The following NCKAP5 variants were observed in gnomAD, a reference collection of about 807,000 sequenced individuals.
NCKAP5 encodes the protein nck-associated protein 5.
NCKAP5 carries 92 observed loss-of-function variants against 167.0 expected under a neutral mutation model. The ratio of observed to expected loss-of-function variants is 0.55; its 90% confidence interval spans 0.47 to 0.66. The LOEUF is 0.66. NCKAP5 is among the 30% of genes least tolerant of loss of function. The pLI is 0.00. For missense variants in NCKAP5, 2,378 were observed against 2,315.0 expected, an observed-to-expected ratio of 1.03 and a Z score of -0.56; for synonymous variants, 891 against 877.4, an observed-to-expected ratio of 1.02 and a Z score of -0.27.
At chr2:132,933,049 C>T (rs1017816629) in intron 8 of NCKAP5, among the ~76,000 whole-genome samples, 3 of 151,816 alleles carry the variant, frequency 2.0e-5, no homozygotes, top group Admixed American at 1.3e-4. Flanking sequence ...CTCAGCCTCC[C>T]GAGCAGCTGG....
chr2:133,350,290 G>A (rs941967351), intron 3 of NCKAP5, among the ~76,000 whole-genome samples: 1 of 152,268 alleles, frequency 6.6e-6, no homozygotes, highest in East Asian at 1.9e-4. Context: ...ACACACAACT[G>A]TAATCCTAGT....
At chr2:132,963,931 G>A in intron 7 of NCKAP5, 62 bp from the exon 8 acceptor site, 1 of 1,570,878 alleles carries the variant, frequency 6.4e-7, no homozygotes, top group South Asian at 1.1e-5. Flanking sequence ...ATGAGTGTGA[G>A]GCTGAAAAGG....
At chr2:132,933,464 C>A (rs1696598298) in intron 8 of NCKAP5, among the ~76,000 whole-genome samples, 1 of 152,144 alleles carries the variant, frequency 6.6e-6, no homozygotes, top group African/African-American at 2.4e-5. Flanking sequence ...TCTAGAGATC[C>A]AAATTTCAGG....
In NCKAP5 at chr2:132,794,648, TACACACAC is replaced by T. The variant is rs4057986; in HGVS notation, c.909+1972_909+1979del. Among the ~76,000 whole-genome samples, 250 of 142,582 alleles carry T rather than the reference TACACACAC, an allele frequency of 1.8e-3. 2 individuals are homozygous for T. The highest frequency in any genetic ancestry group is 0.011 in the East Asian group (51 of 4,572). 93.5% of individuals were successfully genotyped at this position (142,582 alleles called of 152,430 possible). The stretch of plus-strand genomic sequence containing the variant: ...GAGACTTCATCTCAACAACAACAAA[TACACACAC>T]ACACACACACACACACACACACACA... On this transcript the variant is annotated intron_variant, in intron 12 of 19. Coordinates refer to ENST00000409261, the MANE Select transcript of NCKAP5 (RefSeq NM_207363.3).
At chr2:133,334,834 A>C (rs1683105830) in intron 3 of NCKAP5, among the ~76,000 whole-genome samples, 2 of 152,178 alleles carry the variant, frequency 1.3e-5, no homozygotes, top group Non-Finnish European at 1.5e-5. Context: ...CAGTGCAGAA[A>C]ACAGTGAACT....
intron 3 of NCKAP5, among the ~76,000 whole-genome samples, chr2:133,493,529 T>G (rs947557983): frequency 1.1e-4 from 17 of 152,300 alleles, no homozygotes; most frequent in South Asian, 2.1e-4. Context: ...CTGATGTGTC[T>G]CAAACACTGA....
intron 2 of NCKAP5, among the ~76,000 whole-genome samples, chr2:133,537,264 G>A (rs1290191478): frequency 6.6e-6 from 1 of 152,010 alleles, no homozygotes; most frequent in East Asian, 1.9e-4. Context: ...TTTTCAAGAT[G>A]ATTTGGCTGT....
At chr2:132,676,788 TTA>T (rs1403984265) in intron 19 of NCKAP5, among the ~76,000 whole-genome samples, 5 of 152,136 alleles carry the variant, frequency 3.3e-5, no homozygotes, top group Admixed American at 2.0e-4. Flanking sequence ...AGTGCATAGA[TTA>T]TATGTTTCCA....
intron 3 of NCKAP5, among the ~76,000 whole-genome samples, chr2:133,436,259 G>A (rs1257485003): frequency 1.3e-5 from 2 of 152,136 alleles, no homozygotes; most frequent in East Asian, 3.9e-4. Context: ...TTTAAAATAT[G>A]GCCAGAACCT....
intron 6 of NCKAP5, chr2:133,117,565 A>T (rs1378124435): frequency 6.6e-6 from 1 of 152,120 alleles, no homozygotes; most frequent in African/African-American, 2.4e-5. Flanking sequence ...AGTGATTCCA[A>T]TCTATTAGAT....
At chr2:133,376,530 G>A (rs373693441) in intron 3 of NCKAP5, among the ~76,000 whole-genome samples, 2 of 152,022 alleles carry the variant, frequency 1.3e-5, no homozygotes, top group East Asian at 1.9e-4. Context: ...AACTTTCACT[G>A]AGACCGTGGC....
chr2:133,491,224 C>T (rs1302492926), intron 3 of NCKAP5, among the ~76,000 whole-genome samples: 1 of 152,162 alleles, frequency 6.6e-6, no homozygotes, highest in Non-Finnish European at 1.5e-5. Flanking sequence ...TTGAGCTTGC[C>T]ACCTTGTGTA....
intron 8 of NCKAP5, among the ~76,000 whole-genome samples, chr2:132,957,451 C>A (rs1316542629): frequency 6.6e-6 from 1 of 152,158 alleles, no homozygotes; most frequent in African/African-American, 2.4e-5. Flanking sequence ...TGACCTTGGG[C>A]AAAATTTCCA....
intron 3 of NCKAP5, among the ~76,000 whole-genome samples, chr2:133,406,873 TC>T (rs1449760689): frequency 6.6e-6 from 1 of 152,182 alleles, no homozygotes; most frequent in African/African-American, 2.4e-5. Context: ...TGCCCTTCCT[TC>T]CAGGGGACCT....
At chr2:133,664,954 A>G in the NCKAP5 span, among the ~76,000 whole-genome samples, 2 of 152,334 alleles carry the variant, frequency 1.3e-5, no homozygotes, top group African/African-American at 4.8e-5. Context: ...AACCTCTGCT[A>G]GCTTCAAACA....
At chr2:133,027,445 C>G (rs1356685899) in intron 6 of NCKAP5, among the ~76,000 whole-genome samples, 1 of 152,184 alleles carries the variant, frequency 6.6e-6, no homozygotes, top group African/African-American at 2.4e-5. Flanking sequence ...AGTTATCATA[C>G]TTCTCCCCAA....
chr2:133,324,065 C>T (rs990857213), intron 3 of NCKAP5, among the ~76,000 whole-genome samples: 2 of 152,208 alleles, frequency 1.3e-5, no homozygotes, highest in East Asian at 1.9e-4. Context: ...CCTGCCTTCA[C>T]GTATGTCCTT....
chr2:133,291,773 C>A (rs1679619376), intron 4 of NCKAP5, among the ~76,000 whole-genome samples: 1 of 152,236 alleles, frequency 6.6e-6, no homozygotes, highest in South Asian at 2.1e-4. Flanking sequence ...CGTTCCCACG[C>A]ATGTTCTCCG....
intron 4 of NCKAP5, among the ~76,000 whole-genome samples, chr2:133,260,177 C>T (rs537746319): frequency 3.9e-5 from 6 of 152,114 alleles, no homozygotes; most frequent in Non-Finnish European, 8.8e-5. Flanking sequence ...CTTTCTGTTG[C>T]CAAATGTTCA....
Sources: gnomAD v4.1 joint callset for allele counts (sites outside exome capture counted in the v4.1 genomes callset) on GRCh38, gnomAD v4.1.1 for gene constraint, MANE v1.5 for transcripts, NCBI Gene and HGNC (gene_info 2026-07-23, HGNC 2026-07-21) for gene names.